PPP2R2C: variants seen among roughly 807,000 people sequenced by gnomAD.
The protein encoded by PPP2R2C is protein phosphatase 2 regulatory subunit Bgamma.
PPP2R2C carries 10 observed loss-of-function variants against 45.3 expected under a neutral mutation model. The observed-to-expected ratio is 0.22, with a 90% CI of 0.14 to 0.37. The LOEUF (loss-of-function observed/expected upper bound fraction) is 0.37. PPP2R2C is among the 10% of genes least tolerant of loss of function. The probability of loss-of-function intolerance (pLI) is 1.00; values close to 1 mark genes in which losing one functional copy is unlikely to be tolerated. For missense variants in PPP2R2C, 308 were observed against 619.7 expected (o/e 0.50, Z 5.34); for synonymous variants, 257 against 245.4 (o/e 1.05, Z -0.44).
intron 2 of PPP2R2C, among the ~76,000 whole-genome samples, chr4:6,496,633 G>T (rs1025283118): frequency 1.3e-5 from 2 of 152,130 alleles, no homozygotes; most frequent in African/African-American, 4.8e-5. Flanking sequence ...AGGCTGAGGC[G>T]AGTGGATCAC....
Position 6,517,641 on chromosome 4 carries a change from C to A in PPP2R2C, c.49+17630G>T, listed in dbSNP as rs1033123459. Among the ~76,000 whole-genome samples, 8 of 152,320 alleles carry A rather than the reference C, an allele frequency of 5.3e-5. No individual in the cohort carries two copies. The East Asian group carries it at 7.7e-4, about 15-fold the overall frequency. ...AAAAAAGACAGAAGAAATTACCCTG[C>A]GGCTCTTTGGGATGTCTTCCTACAG... On this transcript the variant is annotated intron_variant, in intron 2 of 9. Coordinates refer to the PPP2R2C transcript ENST00000506140.
chr4:6,355,551 C>CAAAAAAA (rs566926127), intron 5 of PPP2R2C, among the ~76,000 whole-genome samples: 5 of 78,966 alleles, frequency 6.3e-5, no homozygotes, highest in African/African-American at 2.1e-4. Flanking sequence ...ACAGAAAGCA[C>CAAAAAAA]AAAAAAAAAA....
Position 6,323,508 on chromosome 4 carries a change from C to G in PPP2R2C, c.1138G>C (p.Glu380Gln). 1 of 1,606,618 alleles carries G rather than the reference C, an allele frequency of 6.2e-7. No individual in the cohort carries two copies. Among genetic ancestry groups the G allele is most frequent in the Non-Finnish European group, 8.5e-7 (1 of 1,173,844 alleles). ...AGCACAGCCCGGGGCTTGCTGCTTT[C>G]CCTCGAGGCCTCCAGGGTCACGTCC... The part of the protein sequence containing the change: ...KRDVTLEASR[E>Q]SSKPRAVLKP... The change falls in exon 9 of 9, where the codon GAA (glutamate) becomes CAA (glutamine). Residue 380 changes from glutamate (E) to glutamine (Q), a missense_variant. Physicochemically the swap from Glu to Gln is conservative, Grantham distance 29 (BLOSUM62 2). Coordinates refer to ENST00000382599, the MANE Select transcript of PPP2R2C (RefSeq NM_020416.4).
At chr4:6,496,270 A>G (rs35333549) in intron 2 of PPP2R2C, among the ~76,000 whole-genome samples, 18,775 of 152,270 alleles carry the variant, frequency 0.12, 1,352 homozygotes, top group Non-Finnish European at 0.17. Context: ...TGGAAAGAAA[A>G]TCCTAACTTT....
intron 1 of PPP2R2C, among the ~76,000 whole-genome samples, chr4:6,440,655 C>T (rs1720109766): frequency 1.3e-5 from 2 of 152,218 alleles, no homozygotes; most frequent in African/African-American, 2.4e-5. Flanking sequence ...TTACTTCTGG[C>T]CCCCGGTTTG....
rs1466845692 is a variant in PPP2R2C, at chr4:6,563,047, G to C, written c.-59+513C>G. 2.0e-5 allele frequency among the ~76,000 whole-genome samples: 3 copies of C among 151,960 alleles called. No homozygotes were observed. The highest frequency in any genetic ancestry group is 4.4e-5 in the Non-Finnish European group (3 of 67,990). ...CACCGGCGCGGGCAGCGGGAGGAGC[G>C]CGTAGACGCTGCTGGATGGTACCCG... On this transcript the variant is annotated intron_variant, in intron 1 of 9. Coordinates refer to the PPP2R2C transcript ENST00000506140. This position sits in a 1 kb window ranked among gnomAD's most constrained non-coding sequence, Gnocchi z 5.8.
At chr4:6,483,058 T>C (rs771918632) in intron 2 of PPP2R2C, among the ~76,000 whole-genome samples, 5 of 152,136 alleles carry the variant, frequency 3.3e-5, no homozygotes, top group Non-Finnish European at 5.9e-5. Flanking sequence ...TCTTTAACTA[T>C]CCTGACATTC....
At chr4:6,544,059 C>A (rs991666054) in intron 1 of PPP2R2C, among the ~76,000 whole-genome samples, 1 of 152,116 alleles carries the variant, frequency 6.6e-6, no homozygotes, top group African/African-American at 2.4e-5. Flanking sequence ...GTGTCCCCTA[C>A]CCCAACCATC....
chr4:6,343,210 C>T (rs1733585518), intron 6 of PPP2R2C, among the ~76,000 whole-genome samples: 1 of 152,156 alleles, frequency 6.6e-6, no homozygotes, highest in African/African-American at 2.4e-5. Context: ...ACAGCCCGGA[C>T]AAGGCATGCA....
chr4:6,541,790 A>T (rs1245680878), intron 1 of PPP2R2C, among the ~76,000 whole-genome samples: 1 of 152,154 alleles, frequency 6.6e-6, no homozygotes, highest in Non-Finnish European at 1.5e-5. Flanking sequence ...TTGGCCTCCC[A>T]AAGGGCTGGG....
intron 5 of PPP2R2C, among the ~76,000 whole-genome samples, chr4:6,354,903 C>A (rs1713011287): frequency 6.6e-6 from 1 of 152,108 alleles, no homozygotes; most frequent in African/African-American, 2.4e-5. Context: ...CAACCCAGGT[C>A]GTGTTGGGCA....
At chr4:6,540,973 C>T (rs1005939408) in intron 1 of PPP2R2C, among the ~76,000 whole-genome samples, 6 of 152,238 alleles carry the variant, frequency 3.9e-5, no homozygotes, top group African/African-American at 1.2e-4. Context: ...TGTCTATCTG[C>T]TTCTCCATCC....
At chr4:6,338,130 T>C (rs1733132340) in intron 6 of PPP2R2C, among the ~76,000 whole-genome samples, 1 of 152,044 alleles carries the variant, frequency 6.6e-6, no homozygotes, top group Non-Finnish European at 1.5e-5. Context: ...TAAGGACATT[T>C]CACAGTAATT....
At chr4:6,503,070 T>C (rs1181757538) in intron 2 of PPP2R2C, among the ~76,000 whole-genome samples, 1 of 152,152 alleles carries the variant, frequency 6.6e-6, no homozygotes, top group Non-Finnish European at 1.5e-5. Context: ...CTCCTTAAAC[T>C]AATGTCCAAA....
At chr4:6,339,367 G>A (rs1733268326) in intron 6 of PPP2R2C, among the ~76,000 whole-genome samples, 1 of 152,246 alleles carries the variant, frequency 6.6e-6, no homozygotes. Context: ...AGAAGCTTGT[G>A]CAGCTGCCTG....
rs562607128 is a variant in PPP2R2C at position 6,338,682 on chromosome 4, G to A, written c.791-4951C>T. Among the ~76,000 whole-genome samples, 20 of 152,194 alleles carry A rather than the reference G, an allele frequency of 1.3e-4. No homozygotes were observed. In the South Asian group the frequency reaches 3.9e-3, roughly 30 times the overall value. Reference sequence around the variant, plus strand: ...AGCCTGCTGCTGCTGCCTCACACACGCAAGTTCCCCTCTGCCGCACACTCC... The same window carrying A: ...AGCCTGCTGCTGCTGCCTCACACACACAAGTTCCCCTCTGCCGCACACTCC... On this transcript the variant is annotated intron_variant, in intron 6 of 8. Transcript: ENST00000382599.
chr4:6,342,544 T>C (rs1322804998), intron 6 of PPP2R2C, among the ~76,000 whole-genome samples: 1 of 152,222 alleles, frequency 6.6e-6, no homozygotes. Flanking sequence ...GTTGGGGGCC[T>C]ATGAAGGGTC....
chr4:6,524,341 C>A (rs1364879044), intron 2 of PPP2R2C, among the ~76,000 whole-genome samples: 1 of 152,220 alleles, frequency 6.6e-6, no homozygotes, highest in Admixed American at 6.5e-5. Flanking sequence ...CTGTCCAGAA[C>A]AGGCAGATTC....
chr4:6,550,835 A>G (rs956681609), intron 1 of PPP2R2C, among the ~76,000 whole-genome samples: 13 of 152,196 alleles, frequency 8.5e-5, no homozygotes, highest in African/African-American at 2.9e-4. Flanking sequence ...TTTTATAGAG[A>G]TAAGGGCTCA....
Sources: allele counts gnomAD v4.1 joint callset (sites outside exome capture counted in the v4.1 genomes callset), GRCh38; gene constraint gnomAD v4.1.1; non-coding constraint Gnocchi (gnomAD v3.1); transcripts MANE v1.5; gene names NCBI Gene and HGNC (gene_info 2026-07-23, HGNC 2026-07-21).